The following MALT1 variants were observed in gnomAD, a reference collection of about 807,000 sequenced individuals.
The protein encoded by MALT1 is mucosa-associated lymphoid tissue lymphoma translocation protein 1.
In MALT1, 36 loss-of-function variants were observed where a neutral mutation model predicts 85.5. The observed-to-expected ratio is 0.42, with a 90% CI of 0.32 to 0.56. The LOEUF is 0.56. Ranked by LOEUF, MALT1 falls within the 20% of genes least tolerant of loss-of-function variation. The pLI is 0.10. For missense variants in MALT1, 716 were observed against 981.6 expected (o/e 0.73, Z 3.62); for synonymous variants, 359 against 361.3 (o/e 0.99, Z 0.07).
chr18:58,727,540 C>T (rs2055075020), intron 10 of MALT1, among the ~76,000 whole-genome samples: 1 of 151,766 alleles, frequency 6.6e-6, no homozygotes, highest in Admixed American at 6.6e-5. Context: ...ATCTCCTGAC[C>T]TTGTGATCCA....
chr18:58,684,801 A>G (rs1406238232), intron 2 of MALT1, among the ~76,000 whole-genome samples: 3 of 152,170 alleles, frequency 2.0e-5, no homozygotes, highest in African/African-American at 7.2e-5. Context: ...ACAGAGAAGA[A>G]TTTTAATATT....
Position 58,710,038 on chromosome 18 carries a change from C to G in MALT1, c.891C>G (p.Asp297Glu). Residue 297 changes from aspartate to glutamate, a missense_variant, in exon 6 of 17, where the codon GAC (aspartate) becomes GAG (glutamate). Physicochemically the swap from Asp to Glu is conservative, Grantham distance 45 (BLOSUM62 2). Coordinates refer to ENST00000649217, the MANE Select transcript of MALT1 (RefSeq NM_006785.4). Reference protein sequence around the residue: ...TYWCHVYNDRDSQDSKKVEII... With the variant: ...TYWCHVYNDRESQDSKKVEII... ...GGTGTCATGTATATAATGATCGAGACAGTCAAGATAGCAAGAAGGTAGAAA... is the reference window on the plus strand; with the variant it reads ...GGTGTCATGTATATAATGATCGAGAGAGTCAAGATAGCAAGAAGGTAGAAA... 1 of 1,611,994 alleles carries G rather than the reference C, an allele frequency of 6.2e-7. No individual in the cohort carries two copies. Among genetic ancestry groups the G allele is most frequent in the Non-Finnish European group, 8.5e-7 (1 of 1,178,714 alleles).
intron 13 of MALT1, among the ~76,000 whole-genome samples, chr18:58,741,269 T>C (rs548584354): frequency 2.6e-5 from 4 of 152,250 alleles, no homozygotes; most frequent in African/African-American, 9.6e-5. Context: ...GTTTTAACCA[T>C]CTAATTTTTT....
At chr18:58,699,609 C>T (rs1373612949) in intron 3 of MALT1, among the ~76,000 whole-genome samples, 1 of 152,192 alleles carries the variant, frequency 6.6e-6, no homozygotes, top group Admixed American at 6.5e-5. Context: ...AAAAGTTCAG[C>T]ATCCCAAATC....
intron 1 of MALT1, among the ~76,000 whole-genome samples, chr18:58,680,912 A>G (rs2054310879): frequency 7.0e-6 from 1 of 142,242 alleles, no homozygotes; most frequent in African/African-American, 2.6e-5. Flanking sequence ...CCTGGGCGAC[A>G]GAGCGAGACT....
intron 15 of MALT1, among the ~76,000 whole-genome samples, chr18:58,744,954 CCT>C (rs1220602877): frequency 2.6e-5 from 4 of 151,636 alleles, no homozygotes; most frequent in Non-Finnish European, 4.4e-5. Flanking sequence ...AAATAGTACC[CCT>C]CTTTCCTACA....
intron 2 of MALT1, among the ~76,000 whole-genome samples, chr18:58,694,282 T>G (rs2054555924): frequency 6.6e-6 from 1 of 152,254 alleles, no homozygotes; most frequent in African/African-American, 2.4e-5. Context: ...TCATTTTTAA[T>G]TTTGCTTTTA....
chr18:58,733,603 T>G, intron 11 of MALT1, 29 bp downstream of exon 11: 1 of 1,491,250 alleles, frequency 6.7e-7, no homozygotes, highest in Non-Finnish European at 9.1e-7. Context: ...ATTAAAGAAT[T>G]GTTGGAGTTA....
intron 13 of MALT1, among the ~76,000 whole-genome samples, chr18:58,738,102 C>T (rs1332788080): frequency 6.6e-6 from 1 of 152,058 alleles, no homozygotes; most frequent in Admixed American, 6.6e-5. Flanking sequence ...AATTATAGGA[C>T]CCCTCTTCTC....
intron 2 of MALT1, among the ~76,000 whole-genome samples, chr18:58,688,495 T>TATGAGGCCAGCCTGGGCAACATA (rs2054441754): frequency 8.4e-6 from 1 of 119,342 alleles, no homozygotes; most frequent in Admixed American, 1.2e-4. Flanking sequence ...CCAGGCAACA[T>TATGAGGCCAGCCTGGGCAACATA]ATGAGGCCAA....
rs541120398 is a variant in MALT1 at position 58,680,495 on chromosome 18, C to T, written c.210-675C>T. On this transcript the variant is annotated intron_variant, in intron 1 of 16. Transcript: ENST00000649217. Reference sequence around the variant, plus strand: ...ACCTTGTAACACTGATTGTTCTATCCGCTTCATTTGGGGTCATTTTGTATT... The same window carrying T: ...ACCTTGTAACACTGATTGTTCTATCTGCTTCATTTGGGGTCATTTTGTATT... Among the ~76,000 whole-genome samples the T allele has an allele frequency of 3.4e-4, 52 of 152,036 alleles. No homozygotes were observed. The South Asian group carries it at 7.5e-3, about 22-fold the overall frequency.
At position 58,686,549 on chromosome 18, in the gene MALT1, T is replaced by A. The variant is rs117359436; in HGVS notation, c.376+5213T>A. 8.0e-3 allele frequency among the ~76,000 whole-genome samples: 1,215 copies of A among 152,332 alleles called. 7 individuals are homozygous for A. Among genetic ancestry groups the A allele is most frequent in the Non-Finnish European group, 0.013 (909 of 68,020 alleles). ...CCAAGTTGCTTTTCAGCTCCAGTGC[T>A]GCAATATTGCCATTTTATTTCACTC... On this transcript the variant is annotated intron_variant, in intron 2 of 16. Transcript: ENST00000649217.
At chr18:58,722,495 C>T (rs994391043) in intron 9 of MALT1, among the ~76,000 whole-genome samples, 5 of 152,122 alleles carry the variant, frequency 3.3e-5, no homozygotes, top group South Asian at 2.1e-4. Flanking sequence ...TAAGAGGAGA[C>T]GGTAGTACAT....
At chr18:58,734,024 A>G (rs1044330505) in intron 11 of MALT1, 1 of 1,242,412 alleles carries the variant, frequency 8.0e-7, no homozygotes, top group African/African-American at 1.5e-5. Flanking sequence ...AAGGAGTAGA[A>G]CCAATGACTG....
rs768162936 is a variant in MALT1, at chr18:58,747,773, T to C, written c.2406T>C (p.Asn802=). ...HHASCHFSRS[N]VPVETTDEIP... ...CTTCATGTCATTTTAGTAGAAGTAA[T>C]GTGCCAGTAGAGACAACTGATGAAA... The change falls in exon 17 of 17, where the codon AAT becomes AAC. Residue 802 remains asparagine (N), a synonymous_variant. Transcript: ENST00000649217. The C allele has an allele frequency of 5.6e-6, 9 of 1,614,182 alleles. No individual in the cohort carries two copies. In the South Asian group the frequency reaches 7.7e-5, roughly 14 times the overall value.
In MALT1 at chr18:58,754,241, G is replaced by A. The variant is rs2055483289; in HGVS notation, c.*6399G>A. 1.3e-5 allele frequency: 2 copies of A among 152,102 alleles called. No individual in the cohort carries two copies. The highest frequency in any genetic ancestry group is 4.1e-4 in the South Asian group (2 of 4,826). 9.4% of individuals were successfully genotyped at this position (152,102 alleles called of 1,614,324 possible). A position where few individuals can be genotyped will look rare whatever the true frequency, so the allele number is the denominator to read the frequency against. ...ACTGCTGCTGCTTATACCGTAACGG[G>A]AAAAGTACACAACAGTGTCTTAATA... On this transcript the variant is annotated 3_prime_UTR_variant, in exon 17 of 17. Transcript: ENST00000649217.
At chr18:58,715,678 A>G (rs112257099) in intron 8 of MALT1, among the ~76,000 whole-genome samples, 2 of 152,112 alleles carry the variant, frequency 1.3e-5, no homozygotes, top group African/African-American at 4.8e-5. Context: ...GGGTAGAGTG[A>G]GGTTTCATTA....
At chr18:58,691,118 C>G (rs1008408079) in intron 2 of MALT1, 4 of 229,672 alleles carry the variant, frequency 1.7e-5, no homozygotes, top group African/African-American at 9.5e-5. Flanking sequence ...CCCGCCATCT[C>G]CTCCAGAGAA....
At chr18:58,714,036 A>T (rs1198733336) in intron 7 of MALT1, 47 bp from the exon 8 acceptor site, 1 of 904,728 alleles carries the variant, frequency 1.1e-6, no homozygotes. Flanking sequence ...ATTTGTGCTA[A>T]ATTGGTGTTT....
Sources: allele counts gnomAD v4.1 joint callset (sites outside exome capture counted in the v4.1 genomes callset), GRCh38; gene constraint gnomAD v4.1.1; transcripts MANE v1.5; gene names NCBI Gene and HGNC (gene_info 2026-07-23, HGNC 2026-07-21).